Variants in MAGI2 observed in about 807,000 individuals in gnomAD.
MAGI2 encodes membrane-associated guanylate kinase, WW and PDZ domain-containing protein 2.
MAGI2 carries 35 observed loss-of-function variants against 133.3 expected under a neutral mutation model. That is an observed-to-expected ratio of 0.26 (90% CI 0.20 to 0.35). The LOEUF (loss-of-function observed/expected upper bound fraction) is 0.35, where lower values mean the gene tolerates loss of function less well. Ranked by LOEUF, MAGI2 falls within the 10% of genes least tolerant of loss-of-function variation. The pLI is 1.00. For synonymous variants in MAGI2, 729 were observed against 710.6 expected, an observed-to-expected ratio of 1.03 and a Z score of -0.41; for missense variants, 1,636 against 1,863.4, an observed-to-expected ratio of 0.88 and a Z score of 2.25.
chr7:78,879,574 A>C (rs73143082), intron 2 of MAGI2, among the ~76,000 whole-genome samples: 1 of 152,242 alleles, frequency 6.6e-6, no homozygotes, highest in Non-Finnish European at 1.5e-5. Flanking sequence ...GGAAAGAAAA[A>C]AAGTAAAAAA....
intron 1 of MAGI2, among the ~76,000 whole-genome samples, chr7:79,075,714 A>T (rs1393598621): frequency 6.6e-6 from 1 of 152,132 alleles, no homozygotes; most frequent in Non-Finnish European, 1.5e-5. Flanking sequence ...CAGTGAGCTG[A>T]GATCACGCCA....
At chr7:79,429,076 A>G (rs1847594955) in intron 1 of MAGI2, among the ~76,000 whole-genome samples, 1 of 152,120 alleles carries the variant, frequency 6.6e-6, no homozygotes, top group African/African-American at 2.4e-5. Context: ...CCTGAAACCA[A>G]GCCCATATCT....
chr7:78,393,410 G>T (rs1796077993), intron 6 of MAGI2, among the ~76,000 whole-genome samples: 3 of 152,194 alleles, frequency 2.0e-5, no homozygotes, highest in Non-Finnish European at 4.4e-5. Context: ...TTTGGCCAGA[G>T]ACAGCAGTGT....
chr7:79,109,398 AG>A (rs1818722623), intron 1 of MAGI2, among the ~76,000 whole-genome samples: 1 of 152,224 alleles, frequency 6.6e-6, no homozygotes, highest in Admixed American at 6.5e-5. Context: ...GCCTTAGCAG[AG>A]GGCTTGGCTG....
chr7:78,205,708 A>C (rs773863994), intron 10 of MAGI2, among the ~76,000 whole-genome samples: 4 of 152,214 alleles, frequency 2.6e-5, no homozygotes, highest in Non-Finnish European at 5.9e-5. Context: ...TATATAGAGA[A>C]CAATTTATAT....
chr7:79,424,315 A>C (rs1847184719), intron 1 of MAGI2, among the ~76,000 whole-genome samples: 1 of 151,994 alleles, frequency 6.6e-6, no homozygotes, highest in Admixed American at 6.6e-5. Flanking sequence ...AGCCAGGCAC[A>C]GATCAATACT....
chr7:78,958,452 C>A (rs899710006), intron 2 of MAGI2, among the ~76,000 whole-genome samples: 5 of 152,072 alleles, frequency 3.3e-5, no homozygotes, highest in Non-Finnish European at 5.9e-5. Context: ...ATCATGGTGT[C>A]ATTTGTAGAG....
chr7:78,717,171 C>A (rs550418316), intron 2 of MAGI2, among the ~76,000 whole-genome samples: 33 of 152,270 alleles, frequency 2.2e-4, no homozygotes, highest in African/African-American at 6.5e-4. Flanking sequence ...GGTGCTCCCC[C>A]TCCGCAGGTC....
At chr7:79,157,154 G>A (rs553578334) in intron 1 of MAGI2, among the ~76,000 whole-genome samples, 12 of 152,196 alleles carry the variant, frequency 7.9e-5, no homozygotes, top group South Asian at 6.2e-4. Flanking sequence ...GCATTTGCAT[G>A]AGAAACTGAA....
At chr7:78,475,177 A>C (rs1269236474) in intron 6 of MAGI2, among the ~76,000 whole-genome samples, 2 of 152,008 alleles carry the variant, frequency 1.3e-5, no homozygotes, top group African/African-American at 2.4e-5. Context: ...TTAAATGGGA[A>C]CAACACAGTT....
intron 2 of MAGI2, among the ~76,000 whole-genome samples, chr7:78,735,159 T>C (rs727537): frequency 0.96 from 146,797 of 152,318 alleles, 70,772 homozygotes; most frequent in East Asian, 1. Flanking sequence ...GATTGCCCAG[T>C]AGTTCTGCCA....
chr7:78,425,492 T>C (rs1425557984), intron 6 of MAGI2, among the ~76,000 whole-genome samples: 1 of 152,158 alleles, frequency 6.6e-6, no homozygotes, highest in Non-Finnish European at 1.5e-5. Flanking sequence ...AGATTATACA[T>C]GGTAGAGTTG....
intron 10 of MAGI2, among the ~76,000 whole-genome samples, chr7:78,217,791 G>C (rs1310454590): frequency 1.3e-5 from 2 of 152,198 alleles, no homozygotes; most frequent in Non-Finnish European, 2.9e-5. Flanking sequence ...TCAGCACAAA[G>C]ACCTGTAATA....
At chr7:78,396,838 A>G (rs995717156) in intron 6 of MAGI2, among the ~76,000 whole-genome samples, 1 of 152,170 alleles carries the variant, frequency 6.6e-6, no homozygotes, top group Admixed American at 6.6e-5. Flanking sequence ...AAAAGAACAG[A>G]GAGAGAAATT....
intron 20 of MAGI2, among the ~76,000 whole-genome samples, chr7:78,100,449 C>A (rs961934445): frequency 6.6e-6 from 1 of 152,184 alleles, no homozygotes; most frequent in African/African-American, 2.4e-5. Flanking sequence ...CTCCTGGGCT[C>A]AAGTGATTCT....
At chr7:78,369,319 G>A (rs1793692881) in intron 6 of MAGI2, 106 bp from the exon 7 acceptor site, 2 of 747,092 alleles carry the variant, frequency 2.7e-6, no homozygotes, top group East Asian at 2.8e-5. Flanking sequence ...TGCCAAAGTG[G>A]AACAAAGCAT....
At chr7:78,367,522 C>T (rs767783041) in intron 7 of MAGI2, among the ~76,000 whole-genome samples, 4 of 152,220 alleles carry the variant, frequency 2.6e-5, no homozygotes, top group South Asian at 2.1e-4. Context: ...TGCTTTCAAG[C>T]TACAACAGCA....
intron 6 of MAGI2, among the ~76,000 whole-genome samples, chr7:78,435,672 G>C (rs6943660): frequency 6.6e-6 from 1 of 152,076 alleles, no homozygotes; most frequent in Non-Finnish European, 1.5e-5. Flanking sequence ...AGGTCACAGA[G>C]AATCCCGAGA....
intron 2 of MAGI2, among the ~76,000 whole-genome samples, chr7:78,758,539 T>C (rs966329530): frequency 6.6e-6 from 1 of 152,234 alleles, no homozygotes; most frequent in Non-Finnish European, 1.5e-5. Flanking sequence ...AAATGATATA[T>C]GTATCAAAGT....
Sources: allele counts gnomAD v4.1 joint callset (sites outside exome capture counted in the v4.1 genomes callset), GRCh38; gene constraint gnomAD v4.1.1; transcripts MANE v1.5; gene names NCBI Gene and HGNC (gene_info 2026-07-23, HGNC 2026-07-21).